PTPA: variants seen among roughly 807,000 people sequenced by gnomAD.
PTPA encodes the protein serine/threonine-protein phosphatase 2A activator.
PTPA carries 13 observed loss-of-function variants against 43.6 expected under a neutral mutation model. The observed-to-expected ratio is 0.30, with a 90% CI of 0.19 to 0.47. The LOEUF is 0.47. PTPA is among the 20% of genes least tolerant of loss of function. The pLI, the probability that PTPA is intolerant of heterozygous loss-of-function variation, is 0.99. For missense variants in PTPA, 329 were observed against 411.9 expected (o/e 0.80, Z 1.74); for synonymous variants, 172 against 158.2 (o/e 1.09, Z -0.66).
chr9:129,129,536 C>G (rs1440797738), intron 4 of PTPA, among the ~76,000 whole-genome samples: 1 of 151,098 alleles, frequency 6.6e-6, no homozygotes, highest in Non-Finnish European at 1.5e-5. Flanking sequence ...GTGGCGCAGT[C>G]TTGGCTCACT....
chr9:129,143,660 T>A (rs564971881), intron 9 of PTPA: 14 of 505,556 alleles, frequency 2.8e-5, no homozygotes, highest in Admixed American at 1.6e-4. Flanking sequence ...TTCCGCCCCC[T>A]CCCCCTTTGG....
chr9:129,130,466 T>A (rs1034706485), intron 4 of PTPA, among the ~76,000 whole-genome samples: 5 of 150,876 alleles, frequency 3.3e-5, no homozygotes, highest in African/African-American at 4.9e-5. Flanking sequence ...TGATCTCAGC[T>A]CCCTGCAGCC....
At chr9:129,115,258 T>C (rs1184443753) in intron 1 of PTPA, among the ~76,000 whole-genome samples, 1 of 152,228 alleles carries the variant, frequency 6.6e-6, no homozygotes, top group African/African-American at 2.4e-5. Context: ...GGCATCTTAG[T>C]TGAAGTGCCA....
At chr9:129,139,857 G>A (rs974661181) in intron 8 of PTPA, among the ~76,000 whole-genome samples, 3 of 151,992 alleles carry the variant, frequency 2.0e-5, no homozygotes, top group Admixed American at 6.6e-5. Context: ...CCTGATACCC[G>A]TGGGCATCCT....
chr9:129,130,938 C>T lies in PTPA; in HGVS notation c.343-584C>T, dbSNP rs1849921141. On this transcript the variant is annotated intron_variant, in intron 4 of 9. Coordinates refer to ENST00000393370, the MANE Select transcript of PTPA (RefSeq NM_178000.3). The stretch of plus-strand genomic sequence containing the variant: ...TGAACTTCGTATAACTCTCTGGCTT[C>T]TTTTGCTCAATGTCATGTCTGAGAT... 2.6e-5 allele frequency among the ~76,000 whole-genome samples: 4 copies of T among 152,330 alleles called. No homozygotes were observed. In the South Asian group the frequency reaches 8.3e-4, roughly 32 times the overall value.
chr9:129,137,879 T>G (rs1588523471), intron 8 of PTPA, 187 bp downstream of exon 8: 2 of 638,978 alleles, frequency 3.1e-6, no homozygotes, highest in Admixed American at 4.8e-5. Context: ...GACTGTCAGG[T>G]CCTCCGCCCA....
rs1170563924 is a variant in PTPA, at chr9:129,116,579, G to T, written c.32-3934G>T. ...TTTTTGTATTTTTAGTAGAGACGGG[G>T]TTTCACCGTGTTAGCCAGGATGGTC... On this transcript the variant is annotated intron_variant, in intron 1 of 9. Transcript: ENST00000393370. Among the ~76,000 whole-genome samples, 7 of 152,156 alleles carry T rather than the reference G, an allele frequency of 4.6e-5. No homozygotes were observed. In the East Asian group the frequency reaches 1.4e-3, roughly 29 times the overall value.
At chr9:129,143,278 A>G (rs1045692205) in intron 9 of PTPA, 2 of 701,438 alleles carry the variant, frequency 2.9e-6, no homozygotes, top group Non-Finnish European at 5.2e-6. Flanking sequence ...TGGGAAGACT[A>G]ATTCTAGAAC....
intron 1 of PTPA, among the ~76,000 whole-genome samples, chr9:129,115,170 T>A (rs17433325): frequency 0.01 from 1,554 of 152,286 alleles, 10 homozygotes; most frequent in Non-Finnish European, 0.016. Flanking sequence ...CCAAGTTGAT[T>A]ATTTGGAATG....
At chr9:129,121,482 G>A (rs919551691) in intron 2 of PTPA, among the ~76,000 whole-genome samples, 1 of 152,134 alleles carries the variant, frequency 6.6e-6, no homozygotes, top group African/African-American at 2.4e-5. Flanking sequence ...CAGCCTAGGG[G>A]GCAGCTTGGT....
At position 129,147,422 on chromosome 9, in the gene PTPA, G is replaced by T. The variant is rs1054528751; in HGVS notation, c.930G>T (p.Lys310Asn). Reference sequence around the variant, plus strand: ...AGTTCCCTGTGATCCAGCACTTCAAGTTCGGGAGCCTGCTGCCCATCCATC... The same window carrying T: ...AGTTCCCTGTGATCCAGCACTTCAATTTCGGGAGCCTGCTGCCCATCCATC... ...LEKFPVIQHF[K>N]FGSLLPIHPV... The change falls in exon 10 of 10, where the codon AAG becomes AAT. Residue 310 changes from lysine (K) to asparagine (N), a missense_variant. Transcript: ENST00000393370. The T allele has an allele frequency of 1.2e-6, 2 of 1,613,954 alleles. No individual in the cohort carries two copies. The highest frequency in any genetic ancestry group is 2.7e-5 in the African/African-American group (2 of 74,926).
At chr9:129,118,328 A>G (rs1849028170) in intron 1 of PTPA, among the ~76,000 whole-genome samples, 1 of 152,198 alleles carries the variant, frequency 6.6e-6, no homozygotes, top group South Asian at 2.1e-4. Flanking sequence ...CTGGGATTAC[A>G]GGTGTGAGCC....
intron 5 of PTPA, among the ~76,000 whole-genome samples, 190 bp downstream of exon 5, chr9:129,131,829 C>T (rs985218327): frequency 1.8e-4 from 27 of 152,268 alleles, no homozygotes; most frequent in African/African-American, 3.9e-4. Flanking sequence ...CAGGGAGGCC[C>T]GGATGCTGCA....
chr9:129,116,593 G>A (rs1313206001), intron 1 of PTPA, among the ~76,000 whole-genome samples: 1 of 152,086 alleles, frequency 6.6e-6, no homozygotes. Context: ...CACCGTGTTA[G>A]CCAGGATGGT....
chr9:129,138,063 C>T (rs1337291239), intron 8 of PTPA: 5 of 318,880 alleles, frequency 1.6e-5, no homozygotes, highest in Non-Finnish European at 3.1e-5. Context: ...TCTGTAGAAC[C>T]ATGTGCTGTG....
intron 1 of PTPA, among the ~76,000 whole-genome samples, chr9:129,117,553 G>C (rs932522143): frequency 2.0e-5 from 3 of 151,788 alleles, no homozygotes; most frequent in African/African-American, 7.3e-5. Context: ...ACAGGTGTGC[G>C]CCACCATGCC....
intron 3 of PTPA, among the ~76,000 whole-genome samples, chr9:129,126,892 C>T (rs1849614574): frequency 6.6e-6 from 1 of 152,122 alleles, no homozygotes. Flanking sequence ...TGGGGCCTGG[C>T]TCCTGTGACT....
At chr9:129,133,732 G>A (rs1023648972) in intron 5 of PTPA, among the ~76,000 whole-genome samples, 4 of 152,210 alleles carry the variant, frequency 2.6e-5, no homozygotes, top group African/African-American at 9.7e-5. Context: ...TTAGGGTAAA[G>A]TCTGAGCTCT....
At chr9:129,136,873 A>C (rs1166007958) in intron 7 of PTPA, among the ~76,000 whole-genome samples, 4 of 152,214 alleles carry the variant, frequency 2.6e-5, no homozygotes, top group Non-Finnish European at 5.9e-5. Flanking sequence ...CGCCTGGTGC[A>C]TAATGGACTG....
Sources: allele counts gnomAD v4.1 joint callset (sites outside exome capture counted in the v4.1 genomes callset), GRCh38; gene constraint gnomAD v4.1.1; transcripts MANE v1.5; gene names NCBI Gene and HGNC (gene_info 2026-07-23, HGNC 2026-07-21).